Variants in CEP112 observed in about 807,000 individuals in gnomAD.
The protein encoded by CEP112 is centrosomal protein of 112 kDa.
CEP112 carries 127 observed loss-of-function variants against 153.0 expected under a neutral mutation model. The ratio of observed to expected loss-of-function variants is 0.83; its 90% CI spans 0.72 to 0.96. The LOEUF (loss-of-function observed/expected upper bound fraction) is 0.96, where lower values mean the gene tolerates loss of function less well. Ranked by LOEUF, CEP112 falls within the 40% of genes least tolerant of loss-of-function variation. The probability of loss-of-function intolerance (pLI) is 0.00; values close to 1 mark genes in which losing one functional copy is unlikely to be tolerated. For synonymous variants in CEP112, 358 were observed against 374.4 expected (o/e 0.96, Z 0.51); for missense variants, 1,089 against 1,101.2 (o/e 0.99, Z 0.16).
chr17:65,808,570 G>A (rs1431612963), intron 21 of CEP112, among the ~76,000 whole-genome samples: 1 of 152,102 alleles, frequency 6.6e-6, no homozygotes, highest in Non-Finnish European at 1.5e-5. Context: ...GAATCATGGG[G>A]GTGGACTTCC....
intron 22 of CEP112, among the ~76,000 whole-genome samples, chr17:65,746,406 AG>A (rs1439059970): frequency 1.3e-5 from 2 of 152,186 alleles, no homozygotes; most frequent in African/African-American, 4.8e-5. Context: ...AAAACACTTC[AG>A]GTGAAACACT....
chr17:66,022,929 TCAA>T (rs1267643325), intron 16 of CEP112, among the ~76,000 whole-genome samples: 1 of 151,936 alleles, frequency 6.6e-6, no homozygotes, highest in East Asian at 1.9e-4. Context: ...GTTGAAAGCT[TCAA>T]CAATTGACTG....
chr17:65,639,469 A>G (rs1011258077), intron 25 of CEP112, among the ~76,000 whole-genome samples: 1 of 151,928 alleles, frequency 6.6e-6, no homozygotes, highest in African/African-American at 2.4e-5. Context: ...TGAGGTCAGG[A>G]GTTCGAGACC....
chr17:65,841,133 C>A (rs1392546568), intron 21 of CEP112, among the ~76,000 whole-genome samples: 1 of 152,016 alleles, frequency 6.6e-6, no homozygotes, highest in Admixed American at 6.6e-5. Context: ...TATAACCCAG[C>A]AATTCCACTG....
rs181511559 is a variant in CEP112, at chr17:66,131,655, G to A, written c.564+1015C>T. Among the ~76,000 whole-genome samples, 466 of 152,224 alleles carry A rather than the reference G, an allele frequency of 3.1e-3. 2 individuals carry two copies. Among genetic ancestry groups the A allele is most frequent in the South Asian group, 6.2e-3 (30 of 4,826 alleles). ...ACTCGGGAGGCTGAGGCAGGAGAAC[G>A]GCGTGAACCCGGGAGGCGGAGCTTG... On this transcript the variant is annotated intron_variant, in intron 5 of 26. Coordinates refer to ENST00000535342, the MANE Select transcript of CEP112 (RefSeq NM_001199165.4).
chr17:65,645,454 T>G (rs1222375121), intron 24 of CEP112, among the ~76,000 whole-genome samples: 3 of 152,210 alleles, frequency 2.0e-5, no homozygotes, highest in African/African-American at 7.2e-5. Flanking sequence ...CCTTGGATGG[T>G]TTTAGTTATG....
intron 4 of CEP112, among the ~76,000 whole-genome samples, chr17:66,163,855 A>G (rs904039429): frequency 6.6e-5 from 10 of 152,238 alleles, no homozygotes; most frequent in Non-Finnish European, 1.5e-4. Flanking sequence ...CAAACTGTTC[A>G]ATATTACCTG....
At chr17:65,970,693 A>G (rs547906260) in intron 17 of CEP112, among the ~76,000 whole-genome samples, 3 of 152,150 alleles carry the variant, frequency 2.0e-5, no homozygotes, top group South Asian at 2.1e-4. Context: ...ACACACATGC[A>G]TATTACATGC....
At chr17:65,935,881 G>A (rs577199906) in intron 18 of CEP112, among the ~76,000 whole-genome samples, 5 of 151,716 alleles carry the variant, frequency 3.3e-5, no homozygotes, top group Non-Finnish European at 7.4e-5. Flanking sequence ...CTAAAGTTAG[G>A]AGAAGGAAGG....
rs546525046 is a variant in CEP112, at chr17:65,641,053, G to A, written c.2710C>T (p.Arg904Ter). ...TTCAATTTTGTTTCATATTCTTGTC[G>A]TATGTAAGTTATCTAAATTGGAAAA... ...LESQEQITYIRQEYETKLKGL... is the reference protein window; with the variant it reads ...LESQEQITYI Residue 904 changes from arginine to a stop codon, truncating the protein, a stop_gained, in exon 25 of 27, where the codon CGA becomes TGA. Coordinates refer to ENST00000535342, the MANE Select transcript of CEP112 (RefSeq NM_001199165.4). LOFTEE classifies it high-confidence loss of function. 1.7e-5 allele frequency: 27 copies of A among 1,591,350 alleles called. No homozygotes were observed. The highest frequency in any genetic ancestry group is 3.3e-4 in the Middle Eastern group (2 of 5,994).
intron 8 of CEP112, among the ~76,000 whole-genome samples, chr17:66,071,300 C>T (rs2067300554): frequency 1.3e-5 from 2 of 151,940 alleles, no homozygotes; most frequent in African/African-American, 4.8e-5. Flanking sequence ...AAATTCAATT[C>T]CCTTGCCTCT....
chr17:65,834,488 CATAA>C (rs1300449177), intron 21 of CEP112, among the ~76,000 whole-genome samples: 5 of 151,882 alleles, frequency 3.3e-5, no homozygotes, highest in African/African-American at 1.2e-4. Flanking sequence ...CTATAAGGAA[CATAA>C]ATAAATTTAC....
intron 18 of CEP112, among the ~76,000 whole-genome samples, chr17:65,954,824 T>A (rs1177311435): frequency 6.6e-6 from 1 of 152,044 alleles, no homozygotes; most frequent in African/African-American, 2.4e-5. Context: ...AGAAAAAAGA[T>A]TTTTAAGAAA....
chr17:65,797,625 A>G (rs1309235147), intron 21 of CEP112, among the ~76,000 whole-genome samples: 1 of 152,198 alleles, frequency 6.6e-6, no homozygotes, highest in East Asian at 1.9e-4. Flanking sequence ...CAGTTTCAAA[A>G]TATCACTTGA....
intron 19 of CEP112, among the ~76,000 whole-genome samples, chr17:65,907,688 A>G (rs1451146516): frequency 3.9e-5 from 6 of 152,178 alleles, no homozygotes; most frequent in Non-Finnish European, 8.8e-5. Flanking sequence ...ATGTTGGGGG[A>G]ATATCTTGAC....
chr17:65,920,362 A>AAAATATATATATAT (rs1555713324), intron 19 of CEP112, among the ~76,000 whole-genome samples: 4 of 42,782 alleles, frequency 9.3e-5, no homozygotes, highest in African/African-American at 2.6e-4. Flanking sequence ...AAACAAACAA[A>AAAATATATATATAT]ATATATATAT....
At chr17:65,649,598 G>A (rs574608283) in intron 24 of CEP112, among the ~76,000 whole-genome samples, 3 of 151,374 alleles carry the variant, frequency 2.0e-5, no homozygotes, top group Non-Finnish European at 4.4e-5. Flanking sequence ...ATGCATCTGC[G>A]GTCCCAGCTA....
intron 9 of CEP112, 60 bp downstream of exon 9, chr17:66,069,855 C>T: frequency 1.1e-6 from 1 of 947,154 alleles, no homozygotes; most frequent in Non-Finnish European, 1.6e-6. Flanking sequence ...GATGGATCAT[C>T]ATAAAACCTA....
At chr17:65,682,283 C>T (rs1272865686) in intron 24 of CEP112, among the ~76,000 whole-genome samples, 3 of 152,156 alleles carry the variant, frequency 2.0e-5, no homozygotes, top group Non-Finnish European at 1.5e-5. Context: ...TGAGCCACCG[C>T]GCCCAGCCTG....
Sources: gnomAD v4.1 joint callset for allele counts (sites outside exome capture counted in the v4.1 genomes callset) on GRCh38, gnomAD v4.1.1 for gene constraint, MANE v1.5 for transcripts, NCBI Gene and HGNC (gene_info 2026-07-23, HGNC 2026-07-21) for gene names.